LTBP2: variants seen among roughly 807,000 people sequenced by gnomAD.
LTBP2 encodes the protein latent-transforming growth factor beta-binding protein 2.
A neutral mutation model predicts 210.6 loss-of-function variants in LTBP2; 103 were observed. The observed-to-expected ratio is 0.49, with a 90% CI of 0.42 to 0.58. LTBP2 has a LOEUF of 0.58. Ranked by LOEUF, LTBP2 falls within the 20% of genes least tolerant of loss-of-function variation. The pLI is 0.00. For missense variants in LTBP2, 2,313 were observed against 2,494.5 expected (o/e 0.93, Z 1.55); for synonymous variants, 1,007 against 1,015.0 (o/e 0.99, Z 0.15).
chr14:74,611,914 C>T lies in LTBP2; in HGVS notation c.31G>A (p.Gly11Arg), dbSNP rs778221370. 20 of 1,592,798 alleles carry T rather than the reference C, an allele frequency of 1.3e-5. No individual in the cohort carries two copies. The highest frequency in any genetic ancestry group is 1.6e-5 in the Non-Finnish European group (19 of 1,173,190). ...CTCCAGGGGTTCCGCAGGGCGCGCCCCGGGCTGCGGGCTTTGGTCCGCGGC... is the reference window on the plus strand; with the variant it reads ...CTCCAGGGGTTCCGCAGGGCGCGCCTCGGGCTGCGGGCTTTGGTCCGCGGC... MRPRTKARSP[G>R]RALRNPWRGF... The change falls in exon 1 of 36, where the codon GGG (glycine) becomes AGG (arginine). Residue 11 changes from glycine (G) to arginine (R), a missense_variant. Coordinates refer to ENST00000261978, the MANE Select transcript of LTBP2 (RefSeq NM_000428.3).
At chr14:74,501,341 C>T (rs2086907788) in intron 35 of LTBP2, 100 bp downstream of exon 35, 1 of 1,545,590 alleles carries the variant, frequency 6.5e-7, no homozygotes, top group Non-Finnish European at 8.9e-7. Context: ...TGCAGACAGC[C>T]CCACTAGGAG....
At chr14:74,563,109 G>C (rs2087817122) in intron 3 of LTBP2, among the ~76,000 whole-genome samples, 1 of 152,148 alleles carries the variant, frequency 6.6e-6, no homozygotes, top group Admixed American at 6.5e-5. Context: ...GCCTGAAAGG[G>C]AAGTTCAAAA....
chr14:74,610,203 AATAGGAATAGAAC>A (rs1309198524), intron 1 of LTBP2, among the ~76,000 whole-genome samples: 2 of 152,228 alleles, frequency 1.3e-5, no homozygotes, highest in Non-Finnish European at 2.9e-5. Flanking sequence ...TAAACACATA[AATAGGAATAGAAC>A]ATATCAGATA....
intron 8 of LTBP2, among the ~76,000 whole-genome samples, chr14:74,536,760 C>T (rs556430008): frequency 2.3e-4 from 35 of 152,302 alleles, no homozygotes; most frequent in African/African-American, 7.9e-4. Context: ...GCAGGAGACT[C>T]GCTTGAACCC....
rs769738814 is a variant in LTBP2, at chr14:74,503,353, A to G, written c.4754T>C (p.Ile1585Thr). 2.5e-6 allele frequency: 4 copies of G among 1,613,512 alleles called. No homozygotes were observed. Among genetic ancestry groups the G allele is most frequent in the African/African-American group, 1.3e-5 (1 of 74,914 alleles). Residue 1585 changes from isoleucine to threonine, a missense_variant, in exon 33 of 36, where the codon ATC (isoleucine) becomes ACC (threonine). By Grantham distance (89) the Ile-to-Thr change is moderately conservative. Around this residue, in one of 3 missense-constraint regions of LTBP2, gnomAD observed 443 missense variants for 501.4 expected, o/e 0.88. Transcript: ENST00000261978. ...ATCATTGGTGACTTTTTTCCAGCAGATGTCCATGTGGATGTCGTGGTCAGG... is the reference window on the plus strand; with the variant it reads ...ATCATTGGTGACTTTTTTCCAGCAGGTGTCCATGTGGATGTCGTGGTCAGG... ...DLPDHDIHMD[I>T]CWKKVTNDVC...
At chr14:74,572,852 C>T (rs2139774302) in intron 3 of LTBP2, among the ~76,000 whole-genome samples, 1 of 152,306 alleles carries the variant, frequency 6.6e-6, no homozygotes, top group South Asian at 2.1e-4. Context: ...CCTGGGCCAT[C>T]TGAAAAAGAG....
intron 8 of LTBP2, among the ~76,000 whole-genome samples, chr14:74,544,648 G>A (rs2087555693): frequency 6.6e-6 from 1 of 152,042 alleles, no homozygotes; most frequent in Admixed American, 6.5e-5. Context: ...CATGGGCAAG[G>A]GTCAGGACCA....
chr14:74,503,440 C>G (rs779245574), intron 32 of LTBP2, 29 bp downstream of exon 32: 1 of 1,609,318 alleles, frequency 6.2e-7, no homozygotes, highest in Admixed American at 1.7e-5. Context: ...GTACCCTTCT[C>G]CTGCTCCCCC....
At position 74,505,130 on chromosome 14, in the gene LTBP2, G is replaced by A. The variant is rs1200521049; in HGVS notation, c.4222C>T (p.Pro1408Ser). ...EAPTGDHAPA[P>S]TRMDCYSGQK... ...CCGGAGTAGCAGTCCATGCGGGTGG[G>A]GGCCGGGGCATGGTCCCCCGTTGGG... Residue 1408 changes from proline to serine, a missense_variant, in exon 29 of 36, where the codon CCC (proline) becomes TCC (serine). This residue lies in a region of LTBP2 where 1,867 missense variants were observed against 1,976.9 expected (regional missense o/e 0.94). Transcript: ENST00000261978. The A allele has an allele frequency of 6.2e-7, 1 of 1,613,666 alleles. No homozygotes were observed. The highest frequency in any genetic ancestry group is 1.3e-5 in the African/African-American group (1 of 74,930).
intron 3 of LTBP2, among the ~76,000 whole-genome samples, chr14:74,577,905 C>T (rs1021202286): frequency 3.9e-5 from 6 of 152,038 alleles, no homozygotes; most frequent in Non-Finnish European, 5.9e-5. Context: ...CCAAGGTCTC[C>T]GAGCACACGT....
chr14:74,552,601 G>C (rs1401371600), intron 5 of LTBP2, among the ~76,000 whole-genome samples: 3 of 152,206 alleles, frequency 2.0e-5, no homozygotes, highest in African/African-American at 7.2e-5. Flanking sequence ...TTCCTGAAAA[G>C]TCTATTTAGG....
chr14:74,590,785 CTAAGCTAT>C (rs2088272011), intron 2 of LTBP2, among the ~76,000 whole-genome samples: 1 of 74,840 alleles, frequency 1.3e-5, no homozygotes, highest in South Asian at 4.4e-4. Context: ...GCTAAGCTAG[CTAAGCTAT>C]GGGTATGAAA....
At chr14:74,501,616 A>G in intron 34 of LTBP2, 26 bp from the exon 35 acceptor site, 3 of 1,613,400 alleles carry the variant, frequency 1.9e-6, no homozygotes, top group Non-Finnish European at 1.7e-6. Flanking sequence ...CGGAGAGAGG[A>G]GGAGGCTGAG....
intron 3 of LTBP2, among the ~76,000 whole-genome samples, chr14:74,568,853 G>T (rs2139769678): frequency 6.6e-6 from 1 of 152,280 alleles, no homozygotes; most frequent in South Asian, 2.1e-4. Flanking sequence ...AAGGCCAACA[G>T]TCTGGGCCTC....
intron 2 of LTBP2, among the ~76,000 whole-genome samples, chr14:74,599,464 A>G (rs1191362440): frequency 6.6e-6 from 1 of 152,266 alleles, no homozygotes; most frequent in Non-Finnish European, 1.5e-5. Flanking sequence ...ACAGTCTTCC[A>G]AAAGCTGCAA....
At chr14:74,604,516 T>C (rs1306965151) in intron 1 of LTBP2, among the ~76,000 whole-genome samples, 3 of 151,844 alleles carry the variant, frequency 2.0e-5, no homozygotes, top group African/African-American at 7.3e-5. Context: ...AAACAGGACT[T>C]ACTCTATAGC....
rs572042540 is a variant in LTBP2, at chr14:74,506,271, C to G, written c.4034-80G>C. Reference sequence around the variant, plus strand: ...GCCCCTGACTACAGCCCACTGCCCCCAAAAGAAGCAGGCTAGGCCTTGGGG... The same window carrying G: ...GCCCCTGACTACAGCCCACTGCCCCGAAAAGAAGCAGGCTAGGCCTTGGGG... On this transcript the variant is annotated intron_variant, in intron 27 of 35. Coordinates refer to ENST00000261978, the MANE Select transcript of LTBP2 (RefSeq NM_000428.3). 473 of 1,587,816 alleles carry G rather than the reference C, an allele frequency of 3.0e-4. 1 individual carries two copies. Among genetic ancestry groups the G allele is most frequent in the Non-Finnish European group, 4.0e-4 (463 of 1,158,240 alleles).
chr14:74,579,785 C>T (rs1054832193), intron 3 of LTBP2, among the ~76,000 whole-genome samples: 26 of 152,346 alleles, frequency 1.7e-4, no homozygotes, highest in African/African-American at 5.3e-4. Context: ...TAAGGACAGG[C>T]TACCTCCCCT....
chr14:74,556,251 T>A lies in LTBP2; in HGVS notation c.831-558A>T, dbSNP rs2087727231. Among the ~76,000 whole-genome samples the A allele has an allele frequency of 2.0e-5, 3 of 152,256 alleles. No homozygotes were observed. In the South Asian group the frequency reaches 6.2e-4, roughly 31 times the overall value. Reference sequence around the variant, plus strand: ...ACAACAATATTCAAGGAGAAAAACATGAATTCATCATCTCCCATCCTAACA... The same window carrying A: ...ACAACAATATTCAAGGAGAAAAACAAGAATTCATCATCTCCCATCCTAACA... On this transcript the variant is annotated intron_variant, in intron 3 of 35. Transcript: ENST00000261978.
Sources: allele counts gnomAD v4.1 joint callset (sites outside exome capture counted in the v4.1 genomes callset), GRCh38; gene constraint gnomAD v4.1.1; regional missense constraint gnomAD v4.1.1; transcripts MANE v1.5; gene names NCBI Gene and HGNC (gene_info 2026-07-23, HGNC 2026-07-21).